Variants in GRIK3 observed in about 807,000 individuals in gnomAD.
GRIK3 encodes glutamate ionotropic receptor kainate type subunit 3, also known as glutamate receptor ionotropic, kainate 3.
A neutral mutation model predicts 102.5 loss-of-function variants in GRIK3; 29 were observed. That is an observed-to-expected ratio of 0.28 (90% confidence interval 0.21 to 0.39). The LOEUF (loss-of-function observed/expected upper bound fraction) is 0.39. Among genes scored for constraint, GRIK3 ranks in the 10% least tolerant of loss-of-function variants. The pLI, the probability that GRIK3 is intolerant of heterozygous loss-of-function variation, is 1.00. For synonymous variants in GRIK3, 511 were observed against 504.9 expected, an observed-to-expected ratio of 1.01 and a Z score of -0.16; for missense variants, 908 against 1,252.4, an observed-to-expected ratio of 0.73 and a Z score of 4.15.
At chr1:36,924,225 G>A (rs1351233447) in intron 1 of GRIK3, among the ~76,000 whole-genome samples, 1 of 152,164 alleles carries the variant, frequency 6.6e-6, no homozygotes, top group Non-Finnish European at 1.5e-5. Flanking sequence ...CTGAAGTTTT[G>A]CATAAATTAA....
At chr1:36,953,279 A>C (rs1415585069) in intron 1 of GRIK3, among the ~76,000 whole-genome samples, 12 of 152,168 alleles carry the variant, frequency 7.9e-5, no homozygotes. Context: ...TGAGCAGAAC[A>C]GATGGCAAGA....
rs116465127 is a variant in GRIK3, at chr1:36,891,038, A to T, written c.174T>A (p.His58Gln). ...PNAQVMNAEE[H>Q]AFRFSANIIN... ...TGATGTTGGCAGAAAATCGAAAGGCATGCTCCTCGGCATTCATGACCTGGG... is the reference window on the plus strand; with the variant it reads ...TGATGTTGGCAGAAAATCGAAAGGCTTGCTCCTCGGCATTCATGACCTGGG... The change falls in exon 2 of 16, where the codon CAT (histidine) becomes CAA (glutamine). Residue 58 changes from histidine to glutamine, a missense_variant. By Grantham distance (24) the His-to-Gln change is conservative. This residue lies in a region of GRIK3 where 585 missense variants were observed against 824.9 expected (regional missense o/e 0.71). Transcript: ENST00000373091. The T allele has an allele frequency of 1.2e-6, 2 of 1,614,052 alleles. No homozygotes were observed. The highest frequency in any genetic ancestry group is 2.2e-5 in the South Asian group (2 of 91,050).
At chr1:37,023,028 C>T (rs1438771643) in intron 1 of GRIK3, among the ~76,000 whole-genome samples, 2 of 152,106 alleles carry the variant, frequency 1.3e-5, no homozygotes, top group African/African-American at 2.4e-5. Flanking sequence ...AGAAGTTGGC[C>T]AGAAAGAAAT....
chr1:36,987,206 G>A (rs1363860290), intron 1 of GRIK3, among the ~76,000 whole-genome samples: 1 of 151,264 alleles, frequency 6.6e-6, no homozygotes, highest in Non-Finnish European at 1.5e-5. Context: ...GCAGCACTGA[G>A]GTTCGATTCC....
chr1:36,974,752 A>G (rs1466050643), intron 1 of GRIK3, among the ~76,000 whole-genome samples: 2 of 148,710 alleles, frequency 1.3e-5, no homozygotes, highest in South Asian at 2.1e-4. Flanking sequence ...GTGAGCTGAC[A>G]TTGCGCCACT....
chr1:36,801,795 C>T lies in GRIK3; in HGVS notation c.*56G>A. On this transcript the variant is annotated 3_prime_UTR_variant, in exon 16 of 16. Transcript: ENST00000373091. ...GGGGACAGGGGACGTTCCTTCCAAT[C>T]TCCTTTGCTTTCCTCTGCCCAGCCC... 6.9e-7 allele frequency: 1 copy of T among 1,448,056 alleles called. No individual in the cohort carries two copies. Among genetic ancestry groups the T allele is most frequent in the Non-Finnish European group, 9.3e-7 (1 of 1,073,892 alleles). 89.7% of individuals were successfully genotyped at this position (1,448,056 alleles called of 1,614,324 possible).
intron 1 of GRIK3, among the ~76,000 whole-genome samples, chr1:36,941,522 GCT>G (rs1431033753): frequency 1.3e-5 from 2 of 152,084 alleles, no homozygotes; most frequent in East Asian, 1.9e-4. Context: ...ATGCTGGCTG[GCT>G]CTCTCTTTCT....
At chr1:36,857,014 G>A (rs995249099) in intron 7 of GRIK3, among the ~76,000 whole-genome samples, 1 of 152,206 alleles carries the variant, frequency 6.6e-6, no homozygotes, top group African/African-American at 2.4e-5. Context: ...TGCGACACAC[G>A]TGCCAAAACT....
Position 36,964,331 on chromosome 1 carries a change from C to T in GRIK3, c.115+69663G>A, listed in dbSNP as rs79675713. Among the ~76,000 whole-genome samples the T allele has an allele frequency of 4.8e-3, 735 of 152,326 alleles. 18 individuals are homozygous for T. In the East Asian group the frequency reaches 0.073, roughly 15 times the overall value. On this transcript the variant is annotated intron_variant, in intron 1 of 15. Coordinates refer to ENST00000373091, the MANE Select transcript of GRIK3 (RefSeq NM_000831.4). ...AGGGGGCCCCTGAGCCCCAGCCTGGCAGCTTCATCTACTGCAGCTGGCAAA... is the reference window on the plus strand; with the variant it reads ...AGGGGGCCCCTGAGCCCCAGCCTGGTAGCTTCATCTACTGCAGCTGGCAAA...
At chr1:36,942,238 T>C (rs1279407808) in intron 1 of GRIK3, among the ~76,000 whole-genome samples, 2 of 152,206 alleles carry the variant, frequency 1.3e-5, no homozygotes, top group Non-Finnish European at 2.9e-5. Flanking sequence ...CTGGTGATGA[T>C]GCTGGCGCTG....
At chr1:37,018,124 G>T (rs1381829857) in intron 1 of GRIK3, among the ~76,000 whole-genome samples, 1 of 152,164 alleles carries the variant, frequency 6.6e-6, no homozygotes, top group Admixed American at 6.5e-5. Flanking sequence ...CTTTGGGAAG[G>T]TGGATTTGAA....
intron 1 of GRIK3, among the ~76,000 whole-genome samples, chr1:37,031,296 ACT>A (rs201820526): frequency 3.6e-3 from 540 of 151,842 alleles, no homozygotes; most frequent in African/African-American, 0.012. Context: ...TCTCTCCCTC[ACT>A]CTCTTTTGTT....
intron 1 of GRIK3, among the ~76,000 whole-genome samples, chr1:36,948,801 C>T (rs977068101): frequency 3.0e-4 from 46 of 152,106 alleles, no homozygotes; most frequent in African/African-American, 1.1e-3. Context: ...CCCTCCAGCC[C>T]TCCAGCCCAC....
chr1:36,837,386 C>T (rs1200198054), intron 10 of GRIK3, among the ~76,000 whole-genome samples: 1 of 152,152 alleles, frequency 6.6e-6, no homozygotes, highest in African/African-American at 2.4e-5. Context: ...GAGTAGAATT[C>T]CATGCCCTGT....
At chr1:36,881,007 G>T in intron 2 of GRIK3, 116 bp from the exon 3 acceptor site, 2 of 1,093,674 alleles carry the variant, frequency 1.8e-6, no homozygotes, top group African/African-American at 1.6e-5. Flanking sequence ...CCCTCGGTGG[G>T]TGCACAATGG....
At chr1:36,962,409 G>C (rs536183387) in intron 1 of GRIK3, among the ~76,000 whole-genome samples, 3 of 152,014 alleles carry the variant, frequency 2.0e-5, no homozygotes, top group Admixed American at 6.6e-5. Context: ...CTAGGTACAT[G>C]CATGCCCCAG....
intron 1 of GRIK3, among the ~76,000 whole-genome samples, chr1:36,929,210 G>T (rs1026266355): frequency 1.3e-5 from 2 of 152,050 alleles, no homozygotes; most frequent in African/African-American, 4.8e-5. Flanking sequence ...ACCCCATTCA[G>T]CTTTGAGCCT....
At chr1:36,870,399 C>T (rs965543807) in intron 4 of GRIK3, among the ~76,000 whole-genome samples, 2 of 152,244 alleles carry the variant, frequency 1.3e-5, no homozygotes, top group African/African-American at 4.8e-5. Flanking sequence ...TCTGCACTAT[C>T]TATAGTTTAT....
chr1:36,987,355 A>T (rs894278922), intron 1 of GRIK3, among the ~76,000 whole-genome samples: 2 of 152,164 alleles, frequency 1.3e-5, no homozygotes, highest in Non-Finnish European at 1.5e-5. Context: ...TGAGGCAAGG[A>T]TCTGAGTTCA....
Sources: gnomAD v4.1 joint callset for allele counts (sites outside exome capture counted in the v4.1 genomes callset) on GRCh38, gnomAD v4.1.1 for gene constraint, gnomAD v4.1.1 regional missense constraint, MANE v1.5 for transcripts, NCBI Gene and HGNC (gene_info 2026-07-23, HGNC 2026-07-21) for gene names.